Variants in KANSL1L observed in about 807,000 individuals in gnomAD.
KANSL1L encodes KAT8 regulatory NSL complex subunit 1-like protein.
In KANSL1L, 25 loss-of-function variants were observed where a neutral mutation model predicts 108.6. The observed-to-expected ratio is 0.23, with a 90% CI of 0.17 to 0.32. The LOEUF is 0.32. Ranked by LOEUF, KANSL1L falls within the 10% of genes least tolerant of loss-of-function variation. The pLI is 1.00. For synonymous variants in KANSL1L, 405 were observed against 395.1 expected (o/e 1.03, Z -0.30); for missense variants, 1,137 against 1,125.7 (o/e 1.01, Z -0.14).
intron 5 of KANSL1L, among the ~76,000 whole-genome samples, chr2:210,091,056 A>G (rs2094689369): frequency 6.6e-6 from 1 of 152,180 alleles, no homozygotes; most frequent in African/African-American, 2.4e-5. Flanking sequence ...AGTATGTAAG[A>G]TGACTTTTAT....
intron 1 of KANSL1L, among the ~76,000 whole-genome samples, chr2:210,168,582 A>T (rs962899564): frequency 6.6e-6 from 1 of 152,100 alleles, no homozygotes; most frequent in Non-Finnish European, 1.5e-5. Flanking sequence ...CATAGAAGAC[A>T]GATGAATGAG....
intron 8 of KANSL1L, among the ~76,000 whole-genome samples, chr2:210,036,216 CTG>C (rs1448226450): frequency 6.6e-6 from 1 of 152,152 alleles, no homozygotes; most frequent in African/African-American, 2.4e-5. Flanking sequence ...GAGTCTCACT[CTG>C]TCACCCAAGC....
At position 210,166,889 on chromosome 2, in the gene KANSL1L, G is replaced by A. The variant is rs374680101; in HGVS notation, c.-30+4260C>T. Among the ~76,000 whole-genome samples, 26 of 152,042 alleles carry A rather than the reference G, an allele frequency of 1.7e-4. No individual in the cohort carries two copies. In the South Asian group the frequency reaches 2.9e-3, roughly 17 times the overall value. On this transcript the variant is annotated intron_variant, in intron 1 of 14. Transcript: ENST00000281772. ...CCTAGGCCAATTACAGAAAGAAAGAGTAGAAAAAAGACAAATTCTTTTAGC... is the reference window on the plus strand; with the variant it reads ...CCTAGGCCAATTACAGAAAGAAAGAATAGAAAAAAGACAAATTCTTTTAGC...
intron 1 of KANSL1L, among the ~76,000 whole-genome samples, chr2:210,159,928 C>T (rs974883554): frequency 2.6e-5 from 4 of 152,026 alleles, no homozygotes; most frequent in African/African-American, 7.2e-5. Context: ...CCCAGCTATT[C>T]GGGAGGCTGA....
intron 6 of KANSL1L, among the ~76,000 whole-genome samples, chr2:210,074,278 T>C (rs2125322499): frequency 6.6e-6 from 1 of 152,314 alleles, no homozygotes; most frequent in East Asian, 1.9e-4. Flanking sequence ...AAAACTCTGC[T>C]TGTCTTTCAA....
Position 210,107,159 on chromosome 2 carries a change from T to A in KANSL1L, c.1231-2858A>T, listed in dbSNP as rs543361283. On this transcript the variant is annotated intron_variant, in intron 3 of 14. Coordinates refer to ENST00000281772, the MANE Select transcript of KANSL1L (RefSeq NM_152519.4). ...TGCAGGGTCTTCACAGAGAAAACAC[T>A]GTGTGAAAAAAGAACTGCCTCAGCA... Among the ~76,000 whole-genome samples the A allele has an allele frequency of 1.2e-3, 186 of 152,214 alleles. 3 individuals carry two copies. Among genetic ancestry groups the A allele is most frequent in the Non-Finnish European group, 1.6e-3 (108 of 68,016 alleles).
chr2:210,123,781 G>A (rs1050622045), intron 3 of KANSL1L, among the ~76,000 whole-genome samples: 1 of 151,086 alleles, frequency 6.6e-6, no homozygotes, highest in Non-Finnish European at 1.5e-5. Context: ...AATATCTCAC[G>A]TACCCCATAA....
chr2:210,127,328 A>C (rs933623467), intron 3 of KANSL1L, among the ~76,000 whole-genome samples: 1 of 152,158 alleles, frequency 6.6e-6, no homozygotes, highest in Non-Finnish European at 1.5e-5. Context: ...TAAAACCTAA[A>C]ACTATAAAAC....
intron 2 of KANSL1L, 74 bp from the exon 3 acceptor site, chr2:210,129,246 C>A: frequency 7.6e-7 from 1 of 1,307,758 alleles, no homozygotes. Flanking sequence ...TAATAACTTC[C>A]TTAACTCCCA....
chr2:210,053,924 C>A (rs1429942905), intron 6 of KANSL1L, among the ~76,000 whole-genome samples: 1 of 151,860 alleles, frequency 6.6e-6, no homozygotes, highest in African/African-American at 2.4e-5. Flanking sequence ...GAAAAATGGG[C>A]AAAGGATATA....
chr2:210,166,088 T>C (rs1687940741), intron 1 of KANSL1L, among the ~76,000 whole-genome samples: 1 of 152,156 alleles, frequency 6.6e-6, no homozygotes, highest in Non-Finnish European at 1.5e-5. Context: ...ATCTGAAACA[T>C]ATACCCCAAA....
intron 6 of KANSL1L, among the ~76,000 whole-genome samples, chr2:210,057,346 G>C (rs1425028660): frequency 1.3e-5 from 2 of 152,152 alleles, no homozygotes; most frequent in Non-Finnish European, 2.9e-5. Context: ...AGGTTGCAGT[G>C]AGCCAAGATC....
At chr2:210,150,248 A>G (rs1387297734) in intron 2 of KANSL1L, among the ~76,000 whole-genome samples, 2 of 152,040 alleles carry the variant, frequency 1.3e-5, no homozygotes, top group Non-Finnish European at 2.9e-5. Context: ...TCAAACCAGA[A>G]CCCAATTTTT....
intron 4 of KANSL1L, among the ~76,000 whole-genome samples, chr2:210,102,621 A>G (rs529111235): frequency 6.6e-6 from 1 of 152,268 alleles, no homozygotes; most frequent in Admixed American, 6.5e-5. Flanking sequence ...AATTTACGAG[A>G]AAAAAACAAA....
At chr2:210,026,957 G>A (rs1472651810) in intron 12 of KANSL1L, among the ~76,000 whole-genome samples, 1 of 152,178 alleles carries the variant, frequency 6.6e-6, no homozygotes, top group Non-Finnish European at 1.5e-5. Context: ...ATTTTTAGTA[G>A]AGACGGGGTT....
intron 5 of KANSL1L, among the ~76,000 whole-genome samples, chr2:210,090,354 C>T (rs925121807): frequency 2.6e-5 from 4 of 151,914 alleles, no homozygotes; most frequent in African/African-American, 4.8e-5. Flanking sequence ...CAACATTTAC[C>T]CTTTAAGATA....
chr2:210,167,874 A>T (rs1218986903), intron 1 of KANSL1L, among the ~76,000 whole-genome samples: 2 of 151,988 alleles, frequency 1.3e-5, no homozygotes, highest in African/African-American at 4.8e-5. Flanking sequence ...GTTTAATAGT[A>T]CCGTTTTTAT....
At position 210,022,877 on chromosome 2, in the gene KANSL1L, G is replaced by A. The variant is rs1415161293; in HGVS notation, c.*72C>T. 1 of 993,330 alleles carries A rather than the reference G, an allele frequency of 1.0e-6. No individual in the cohort carries two copies. The highest frequency in any genetic ancestry group is 1.6e-6 in the Non-Finnish European group (1 of 636,534). 61.5% of individuals were successfully genotyped at this position (993,330 alleles called of 1,614,324 possible). A position where few individuals can be genotyped will look rare whatever the true frequency, so the allele number is the denominator to read the frequency against. On this transcript the variant is annotated 3_prime_UTR_variant, in exon 15 of 15. Coordinates refer to ENST00000281772, the MANE Select transcript of KANSL1L (RefSeq NM_152519.4). Reference sequence around the variant, plus strand: ...ACATGCTCTTATTCTGGAGGGGATGGGGGATCCAGAACAGGGCTTTATTTC... The same window carrying A: ...ACATGCTCTTATTCTGGAGGGGATGAGGGATCCAGAACAGGGCTTTATTTC...
chr2:210,084,359 T>C (rs374453010), intron 5 of KANSL1L, among the ~76,000 whole-genome samples: 1 of 151,704 alleles, frequency 6.6e-6, no homozygotes, highest in Non-Finnish European at 1.5e-5. Flanking sequence ...GAAATGGAGG[T>C]TGCAGTGAGC....
Sources: gnomAD v4.1 joint callset for allele counts (sites outside exome capture counted in the v4.1 genomes callset) on GRCh38, gnomAD v4.1.1 for gene constraint, MANE v1.5 for transcripts, NCBI Gene and HGNC (gene_info 2026-07-23, HGNC 2026-07-21) for gene names.